The following MACF1 variants were observed in gnomAD, a reference collection of about 807,000 sequenced individuals.
The protein encoded by MACF1 is microtubule-actin cross-linking factor 1.
MACF1 carries 193 observed loss-of-function variants against 854.8 expected under a neutral mutation model. The observed-to-expected ratio is 0.23, with a 90% CI of 0.20 to 0.25. MACF1 has a LOEUF of 0.25. Among genes scored for constraint, MACF1 ranks in the 10% least tolerant of loss-of-function variants. The pLI, the probability that MACF1 is intolerant of heterozygous loss-of-function variation, is 1.00. For synonymous variants in MACF1, 3,185 were observed against 3,226.7 expected (o/e 0.99, Z 0.44); for missense variants, 7,722 against 8,929.1 (o/e 0.86, Z 5.45).
intron 6 of MACF1, among the ~76,000 whole-genome samples, chr1:39,260,924 T>C (rs1645156863): frequency 6.6e-6 from 1 of 152,178 alleles, no homozygotes; most frequent in Non-Finnish European, 1.5e-5. Flanking sequence ...TAAAATCATA[T>C]ATATTATTTG....
intron 89 of MACF1, among the ~76,000 whole-genome samples, chr1:39,455,528 A>T (rs1570143470): frequency 6.6e-6 from 1 of 152,212 alleles, no homozygotes; most frequent in Admixed American, 6.5e-5. Flanking sequence ...AAAGTGCTCT[A>T]TGGAGTCTTG....
At chr1:39,107,781 G>A (rs1642285887) in intron 2 of MACF1, among the ~76,000 whole-genome samples, 2 of 152,196 alleles carry the variant, frequency 1.3e-5, no homozygotes, top group African/African-American at 4.8e-5. Flanking sequence ...TGATGGTGGG[G>A]TGTTCTAGAC....
rs748625411 is a variant in MACF1 at position 39,335,316 on chromosome 1, C to G, written c.8728C>G (p.Gln2910Glu). ...NNMGNDTNEE[Q>E]EKAVTKIEII... ...CATGGGAAATGATACAAATGAAGAG[C>G]AGGAAAAAGCAGTGACAAAAATAGA... The change falls in exon 37 of 101, where the codon CAG becomes GAG. Residue 2910 changes from glutamine to glutamate, a missense_variant. By Grantham distance (29) the Gln-to-Glu change is conservative. Around this residue, in one of 15 missense-constraint regions of MACF1, gnomAD observed 854 missense variants for 852.6 expected, o/e 1.00. Coordinates refer to ENST00000564288, the MANE Select transcript of MACF1 (RefSeq NM_001394062.1). The G allele has an allele frequency of 1.9e-6, 3 of 1,613,742 alleles. No individual in the cohort carries two copies. Among genetic ancestry groups the G allele is most frequent in the South Asian group, 1.1e-5 (1 of 91,022 alleles).
intron 93 of MACF1, among the ~76,000 whole-genome samples, chr1:39,463,159 T>C (rs998999593): frequency 2.0e-5 from 3 of 152,122 alleles, no homozygotes; most frequent in Non-Finnish European, 2.9e-5. Flanking sequence ...GAACAGACAA[T>C]AAATGTATAT....
At chr1:39,190,406 T>TTG (rs1644239944) in intron 2 of MACF1, among the ~76,000 whole-genome samples, 1 of 128,320 alleles carries the variant, frequency 7.8e-6, no homozygotes, top group South Asian at 2.9e-4. Context: ...TTTTTGTTTT[T>TTG]TTTTTTTTTT....
At chr1:39,134,580 C>T (rs1643115826) in intron 2 of MACF1, among the ~76,000 whole-genome samples, 1 of 152,180 alleles carries the variant, frequency 6.6e-6, no homozygotes, top group Non-Finnish European at 1.5e-5. Flanking sequence ...CTTAAACAGT[C>T]ATGTAACCCC....
chr1:39,357,228 G>T (rs532144578), intron 44 of MACF1, 147 bp from the exon 45 acceptor site: 1 of 827,710 alleles, frequency 1.2e-6, no homozygotes, highest in East Asian at 2.5e-5. Flanking sequence ...TGAGAGAGGT[G>T]TATGACTTGA....
At position 39,318,520 on chromosome 1, in the gene MACF1, A is replaced by G; in HGVS notation, c.3850A>G (p.Lys1284Glu). Residue 1284 changes from lysine (K) to glutamate (E), a missense_variant, in exon 30 of 101, where the codon AAG becomes GAG. Coordinates refer to ENST00000564288, the MANE Select transcript of MACF1 (RefSeq NM_001394062.1). The stretch of plus-strand genomic sequence containing the variant: ...CCGAGCCTGCCATGGAACTCTCATC[A>G]AGTGGATTGAGGAAACCACTGCCCA... ...DYRACHGTLIKWIEETTAQQE... is the reference protein window; with the variant it reads ...DYRACHGTLIEWIEETTAQQE... 2.5e-6 allele frequency: 4 copies of G among 1,614,080 alleles called. No homozygotes were observed. The highest frequency in any genetic ancestry group is 2.5e-6 in the Non-Finnish European group (3 of 1,179,980).
intron 2 of MACF1, among the ~76,000 whole-genome samples, chr1:39,111,452 G>C (rs1023270275): frequency 2.0e-5 from 3 of 151,672 alleles, no homozygotes; most frequent in African/African-American, 4.8e-5. Flanking sequence ...GTGCGAACTC[G>C]GCTCACTGCA....
chr1:39,426,133 A>G (rs996260694), intron 61 of MACF1, among the ~76,000 whole-genome samples: 1 of 152,194 alleles, frequency 6.6e-6, no homozygotes, highest in East Asian at 1.9e-4. Flanking sequence ...ATTCAAATTT[A>G]ATAATAATTT....
At chr1:39,247,755 G>A (rs1254485187) in intron 2 of MACF1, among the ~76,000 whole-genome samples, 1 of 152,188 alleles carries the variant, frequency 6.6e-6, no homozygotes, top group Non-Finnish European at 1.5e-5. Flanking sequence ...AGTGTGGGCC[G>A]GGTGTGGTGG....
At chr1:39,227,533 T>A (rs1390761486) in intron 1 of MACF1, among the ~76,000 whole-genome samples, 2 of 152,214 alleles carry the variant, frequency 1.3e-5, no homozygotes, top group Non-Finnish European at 1.5e-5. Context: ...ACATAGATAT[T>A]TGGAGGACAC....
At chr1:39,352,381 G>A (rs1314821134) in intron 43 of MACF1, among the ~76,000 whole-genome samples, 2 of 152,200 alleles carry the variant, frequency 1.3e-5, no homozygotes, top group East Asian at 3.9e-4. Context: ...GGAAAGAGCA[G>A]CCCGGTAACT....
Position 39,084,260 on chromosome 1 carries a change from T to G in MACF1, c.42T>G (p.Cys14Trp). 1 of 1,612,622 alleles carries G rather than the reference T, an allele frequency of 6.2e-7. No individual in the cohort carries two copies. The highest frequency in any genetic ancestry group is 8.5e-7 in the Non-Finnish European group (1 of 1,179,112). Residue 14 changes from cysteine to tryptophan, a missense_variant, in exon 2 of 94, where the codon TGT becomes TGG. Cys to Trp is a radical substitution (Grantham distance 215). Coordinates refer to the MACF1 transcript ENST00000361689. The surrounding 1 kb of genome is among the most constrained non-coding windows in gnomAD (Gnocchi z 5.2). ...AAGAGACGCTCAGTGAGCGGTCATG[T>G]CGGAGTGAGCGGTCTTGTCGGAGTG...
At chr1:39,339,177 C>T (rs1199109676) in intron 38 of MACF1, among the ~76,000 whole-genome samples, 1 of 152,064 alleles carries the variant, frequency 6.6e-6, no homozygotes, top group African/African-American at 2.4e-5. Flanking sequence ...TTTGCCTGAG[C>T]CCAGGAGTTT....
At chr1:39,396,808 C>T (rs1172159710) in intron 58 of MACF1, among the ~76,000 whole-genome samples, 2 of 152,218 alleles carry the variant, frequency 1.3e-5, no homozygotes, top group South Asian at 4.1e-4. Context: ...CAAACCATCA[C>T]TGTAAAGGGC....
At chr1:39,397,925 A>G (rs1337276901) in intron 58 of MACF1, among the ~76,000 whole-genome samples, 2 of 152,292 alleles carry the variant, frequency 1.3e-5, no homozygotes, top group African/African-American at 2.4e-5. Flanking sequence ...AGTCTAAATG[A>G]TCTCTGAAAA....
intron 58 of MACF1, chr1:39,410,391 G>A (rs1642935385): frequency 6.2e-7 from 1 of 1,613,906 alleles, no homozygotes; most frequent in African/African-American, 1.3e-5. Context: ...ATGATACGAT[G>A]AGGATAAATG....
In MACF1 at chr1:39,387,836, G is replaced by T; in HGVS notation, c.14994G>T (p.Leu4998=). The part of the protein sequence containing the change: ...NQNMDAVTEE[L]QAKTGSLEEM... ...ACATGGATGCTGTTACAGAAGAGCTGCAGGCCAAAACAGGGTCACTCGAAG... is the reference window on the plus strand; with the variant it reads ...ACATGGATGCTGTTACAGAAGAGCTTCAGGCCAAAACAGGGTCACTCGAAG... Residue 4998 remains leucine, a synonymous_variant, in exon 58 of 101, where the codon CTG becomes CTT. Coordinates refer to ENST00000564288, the MANE Select transcript of MACF1 (RefSeq NM_001394062.1). The T allele has an allele frequency of 6.2e-7, 1 of 1,614,150 alleles. No homozygotes were observed. Among genetic ancestry groups the T allele is most frequent in the Non-Finnish European group, 8.5e-7 (1 of 1,180,042 alleles).
Sources: allele counts gnomAD v4.1 joint callset (sites outside exome capture counted in the v4.1 genomes callset), GRCh38; gene constraint gnomAD v4.1.1; regional missense constraint gnomAD v4.1.1; non-coding constraint Gnocchi (gnomAD v3.1); transcripts MANE v1.5; gene names NCBI Gene and HGNC (gene_info 2026-07-23, HGNC 2026-07-21).